PTH2R: variants seen among roughly 807,000 people sequenced by gnomAD.
The protein encoded by PTH2R is PTH2 receptor.
Under a neutral mutation model 60.3 loss-of-function variants are expected in PTH2R, and 59 were observed. The ratio of observed to expected loss-of-function variants is 0.98; its 90% CI spans 0.79 to 1.22. The LOEUF is 1.22. Among genes scored for constraint, PTH2R ranks in the 50% most tolerant of loss-of-function variants. The pLI is 0.00. For synonymous variants in PTH2R, 256 were observed against 243.8 expected (o/e 1.05, Z -0.47); for missense variants, 749 against 682.6 (o/e 1.10, Z -1.08).
intron 4 of PTH2R, among the ~76,000 whole-genome samples, chr2:208,441,188 A>G (rs1372335887): frequency 2.6e-5 from 4 of 152,116 alleles, no homozygotes; most frequent in African/African-American, 9.7e-5. Flanking sequence ...AGCTCACATA[A>G]CTCAGAGAAA....
At position 208,441,082 on chromosome 2, in the gene PTH2R, AGCCAATTGCAAGACCAG is replaced by A. The variant is rs567511306; in HGVS notation, c.412-1278_412-1262del. Among the ~76,000 whole-genome samples, 20 of 152,336 alleles carry A rather than the reference AGCCAATTGCAAGACCAG, an allele frequency of 1.3e-4. No individual in the cohort carries two copies. The East Asian group carries it at 3.9e-3, about 29-fold the overall frequency. On this transcript the variant is annotated intron_variant, in intron 4 of 12. Transcript: ENST00000272847. Reference sequence around the variant, plus strand: ...TAGTTCCCAGTGAGCACAAGGCAGCAGCCAATTGCAAGACCAGGCCCCTGAACTTCTGAGTAACCACC... The same window carrying A: ...TAGTTCCCAGTGAGCACAAGGCAGCAGCCCCTGAACTTCTGAGTAACCACC...
At chr2:208,487,763 T>A (rs1483769483) in intron 10 of PTH2R, among the ~76,000 whole-genome samples, 1 of 152,192 alleles carries the variant, frequency 6.6e-6, no homozygotes, top group Non-Finnish European at 1.5e-5. Flanking sequence ...TCTAAGTTCA[T>A]GTGATTGTTG....
chr2:208,360,204 T>C (rs770815812), exon 1 of PTH2R: 38 of 454,970 alleles, frequency 8.4e-5, no homozygotes, highest in Middle Eastern at 6.5e-4. Flanking sequence ...ATGAAAGCAT[T>C]TCTTCAAGAA....
intron 1 of PTH2R, among the ~76,000 whole-genome samples, chr2:208,400,536 C>T (rs186140665): frequency 5.9e-4 from 90 of 152,184 alleles, no homozygotes; most frequent in African/African-American, 1.9e-3. Context: ...TAGCAACATC[C>T]GGATCACTAA....
chr2:208,429,741 G>A (rs1701932899), intron 2 of PTH2R, among the ~76,000 whole-genome samples: 1 of 152,034 alleles, frequency 6.6e-6, no homozygotes, highest in South Asian at 2.1e-4. Flanking sequence ...CATCTAAATT[G>A]ACACTCTGTA....
Position 208,481,575 on chromosome 2 carries a change from T to A in PTH2R, c.1076+411T>A, listed in dbSNP as rs559089973. Among the ~76,000 whole-genome samples the A allele has an allele frequency of 1.1e-3, 161 of 152,248 alleles. 1 individual carries two copies. Among genetic ancestry groups the A allele is most frequent in the Admixed American group, 2.4e-3 (36 of 15,288 alleles). On this transcript the variant is annotated intron_variant, in intron 10 of 12. Transcript: ENST00000272847. ...TTGAAATATCTTTAAGAGATTAAATTTATGAATGTATATTTATTGTGTGAT... is the reference window on the plus strand; with the variant it reads ...TTGAAATATCTTTAAGAGATTAAATATATGAATGTATATTTATTGTGTGAT...
intron 1 of PTH2R, among the ~76,000 whole-genome samples, chr2:208,419,742 G>C (rs981360868): frequency 7.9e-5 from 12 of 152,192 alleles, no homozygotes; most frequent in Admixed American, 2.6e-4. Flanking sequence ...TCTACATATG[G>C]CTAGCCAGTT....
In PTH2R at chr2:208,372,877, G is replaced by C. The variant is rs535801388; in HGVS notation, c.-259+12640G>C. Among the ~76,000 whole-genome samples the C allele has an allele frequency of 6.8e-4, 104 of 152,158 alleles. 1 individual carries two copies. The highest frequency in any genetic ancestry group is 2.1e-3 in the African/African-American group (89 of 41,452). The stretch of plus-strand genomic sequence containing the variant: ...AGACAGGTGGATCGCCTGAGCTCAG[G>C]AGTTCAAAACCAGTCTGGGCAACAT... On this transcript the variant is annotated intron_variant, in intron 1 of 12. Coordinates refer to the PTH2R transcript ENST00000617735.
intron 8 of PTH2R, among the ~76,000 whole-genome samples, chr2:208,458,364 A>G (rs1036766614): frequency 1.3e-5 from 2 of 152,230 alleles, no homozygotes; most frequent in African/African-American, 2.4e-5. Flanking sequence ...TAAATTAAGT[A>G]CTGTTAAAAA....
chr2:208,464,317 G>A (rs536012372), intron 9 of PTH2R, among the ~76,000 whole-genome samples: 2 of 152,278 alleles, frequency 1.3e-5, no homozygotes, highest in African/African-American at 2.4e-5. Flanking sequence ...AAAAAGAAAC[G>A]TCTTCCTAAG....
chr2:208,404,956 C>T (rs950890270), upstream of PTH2R, among the ~76,000 whole-genome samples: 1 of 152,166 alleles, frequency 6.6e-6, no homozygotes, highest in African/African-American at 2.4e-5. Flanking sequence ...GTATTCCACC[C>T]TGGATAAACT....
chr2:208,392,758 T>C (rs1243954897), intron 1 of PTH2R, among the ~76,000 whole-genome samples: 1 of 152,128 alleles, frequency 6.6e-6, no homozygotes, highest in Admixed American at 6.5e-5. Flanking sequence ...AGAGACTGGC[T>C]CCAGTACCCA....
chr2:208,386,673 G>A (rs1701008400), intron 1 of PTH2R, among the ~76,000 whole-genome samples: 1 of 152,206 alleles, frequency 6.6e-6, no homozygotes, highest in African/African-American at 2.4e-5. Flanking sequence ...AGTTTCTGGT[G>A]AGAGCAGTCT....
intron 1 of PTH2R, among the ~76,000 whole-genome samples, chr2:208,371,830 A>G (rs1700707433): frequency 6.6e-6 from 1 of 152,046 alleles, no homozygotes; most frequent in South Asian, 2.1e-4. Flanking sequence ...GTAGGACAAG[A>G]TGTCAGTTTT....
intron 10 of PTH2R, among the ~76,000 whole-genome samples, chr2:208,482,679 G>A (rs1703180792): frequency 6.6e-6 from 1 of 152,202 alleles, no homozygotes; most frequent in Non-Finnish European, 1.5e-5. Flanking sequence ...AAGAGGAAGT[G>A]AAGCTAGACA....
chr2:208,395,063 T>C (rs997262068), intron 1 of PTH2R, among the ~76,000 whole-genome samples: 33 of 151,940 alleles, frequency 2.2e-4, no homozygotes, highest in Admixed American at 1.6e-3. Context: ...TATTTTTTTT[T>C]TTGAGATGGA....
At chr2:208,436,973 C>G (rs528617571) in intron 2 of PTH2R, among the ~76,000 whole-genome samples, 27 of 152,200 alleles carry the variant, frequency 1.8e-4, no homozygotes, top group African/African-American at 6.3e-4. Context: ...CTTGGACTAT[C>G]GTGGTGACAG....
intron 1 of PTH2R, among the ~76,000 whole-genome samples, chr2:208,418,611 A>G (rs1024586746): frequency 6.6e-6 from 1 of 152,140 alleles, no homozygotes; most frequent in African/African-American, 2.4e-5. Context: ...AAATATTATC[A>G]TAAAAATTAT....
intron 1 of PTH2R, among the ~76,000 whole-genome samples, chr2:208,410,585 G>A (rs924972238): frequency 3.3e-5 from 5 of 152,160 alleles, no homozygotes; most frequent in African/African-American, 4.8e-5. Context: ...ATGGGGTATT[G>A]TGTAGCAATA....
Sources: gnomAD v4.1 joint callset for allele counts (sites outside exome capture counted in the v4.1 genomes callset) on GRCh38, gnomAD v4.1.1 for gene constraint, MANE v1.5 for transcripts, NCBI Gene and HGNC (gene_info 2026-07-23, HGNC 2026-07-21) for gene names.